STXBP4: variants seen among roughly 807,000 people sequenced by gnomAD.
The protein encoded by STXBP4 is syntaxin binding protein 4.
Under a neutral mutation model 76.1 loss-of-function variants are expected in STXBP4, and 55 were observed. That is an observed-to-expected ratio of 0.72 (90% CI 0.58 to 0.91). The LOEUF (loss-of-function observed/expected upper bound fraction) is 0.91. Ranked by LOEUF, STXBP4 falls within the 40% of genes least tolerant of loss-of-function variation. The pLI, the probability that STXBP4 is intolerant of heterozygous loss-of-function variation, is 0.00. For synonymous variants in STXBP4, 201 were observed against 220.2 expected, an observed-to-expected ratio of 0.91 and a Z score of 0.77; for missense variants, 618 against 636.9, an observed-to-expected ratio of 0.97 and a Z score of 0.32.
intron 16 of STXBP4, among the ~76,000 whole-genome samples, chr17:55,081,942 C>T (rs1309498196): frequency 2.6e-5 from 4 of 152,126 alleles, no homozygotes; most frequent in African/African-American, 9.7e-5. Flanking sequence ...CTTTTTGTGT[C>T]TCTCCAGACA....
the STXBP4 span, among the ~76,000 whole-genome samples, chr17:55,212,216 G>A: frequency 1.4e-4 from 22 of 152,058 alleles, no homozygotes; most frequent in African/African-American, 4.3e-4. Context: ...TGTGACCCTG[G>A]GCAAATTACT....
At chr17:55,211,628 T>C in the STXBP4 span, among the ~76,000 whole-genome samples, 3 of 152,102 alleles carry the variant, frequency 2.0e-5, no homozygotes, top group Non-Finnish European at 4.4e-5. Context: ...TATCCGATGC[T>C]TCACATTTGT....
the STXBP4 span, among the ~76,000 whole-genome samples, chr17:55,207,959 A>G: frequency 2.0e-5 from 3 of 151,988 alleles, no homozygotes; most frequent in Non-Finnish European, 4.4e-5. Flanking sequence ...TATAATAACC[A>G]TGCAATTCTT....
chr17:55,063,243 C>T (rs997381526), intron 12 of STXBP4, among the ~76,000 whole-genome samples: 2 of 152,246 alleles, frequency 1.3e-5, no homozygotes, highest in Admixed American at 6.5e-5. Flanking sequence ...ATTATCATTT[C>T]CAAATAGTTG....
In STXBP4 at chr17:55,169,127, A is replaced by G. The variant is rs944101621; in HGVS notation, c.*9216A>G. On this transcript the variant is annotated 3_prime_UTR_variant, in exon 18 of 18. Transcript: ENST00000376352. ...TTCCTCTGACATAAGGATTTATGTG[A>G]ATTAGGAAGTGGCCCAAGGGTGAAA... 6.6e-6 allele frequency: 1 copy of G among 152,106 alleles called. No individual in the cohort carries two copies. Among genetic ancestry groups the G allele is most frequent in the Admixed American group, 6.6e-5 (1 of 15,262 alleles). 9.4% of individuals were successfully genotyped at this position (152,106 alleles called of 1,614,324 possible).
At chr17:55,198,160 T>C in the STXBP4 span, among the ~76,000 whole-genome samples, 4 of 152,314 alleles carry the variant, frequency 2.6e-5, no homozygotes, top group East Asian at 7.7e-4. Context: ...GAAGTGAAGT[T>C]ACAAAGTTAC....
intron 12 of STXBP4, among the ~76,000 whole-genome samples, chr17:55,052,941 G>GTGTT (rs1555573416): frequency 1.6e-4 from 23 of 143,300 alleles, no homozygotes; most frequent in African/African-American, 6.0e-4. Flanking sequence ...GTGTGTGTGT[G>GTGTT]TGTGTGTGTG....
chr17:54,973,939 A>T lies in STXBP4; in HGVS notation c.-157+5124A>T, dbSNP rs1177009266. ...TCCAATTTTATATATTAGGTAAAGTAAGTTATATAAGTTATTTTTCATATA... is the reference window on the plus strand; with the variant it reads ...TCCAATTTTATATATTAGGTAAAGTTAGTTATATAAGTTATTTTTCATATA... On this transcript the variant is annotated intron_variant, in intron 1 of 17. Transcript: ENST00000376352. Among the ~76,000 whole-genome samples the T allele has an allele frequency of 2.0e-5, 3 of 152,250 alleles. No individual in the cohort carries two copies. The East Asian group carries it at 5.8e-4, about 29-fold the overall frequency.
At chr17:55,049,535 G>A (rs1389222592) in intron 12 of STXBP4, among the ~76,000 whole-genome samples, 6 of 151,740 alleles carry the variant, frequency 4.0e-5, no homozygotes, top group Non-Finnish European at 8.8e-5. Context: ...ATAAAAATTA[G>A]GTAAAAATAG....
At chr17:55,123,788 T>C (rs1413370657) in intron 16 of STXBP4, among the ~76,000 whole-genome samples, 1 of 151,814 alleles carries the variant, frequency 6.6e-6, no homozygotes, top group East Asian at 1.9e-4. Context: ...TAGTCCCAGC[T>C]ACTTGGTAGG....
chr17:55,013,383 T>C (rs2078146562), intron 8 of STXBP4, among the ~76,000 whole-genome samples: 1 of 152,254 alleles, frequency 6.6e-6, no homozygotes, highest in South Asian at 2.1e-4. Flanking sequence ...GGTATTGGCT[T>C]TCTGAGTTTC....
chr17:55,107,715 C>T (rs2079652924), intron 16 of STXBP4, among the ~76,000 whole-genome samples: 1 of 152,186 alleles, frequency 6.6e-6, no homozygotes, highest in Non-Finnish European at 1.5e-5. Flanking sequence ...GAGGTCCACT[C>T]CAGACCCTAT....
chr17:55,130,187 C>T (rs1278374586), intron 16 of STXBP4, among the ~76,000 whole-genome samples: 1 of 152,186 alleles, frequency 6.6e-6, no homozygotes, highest in Non-Finnish European at 1.5e-5. Context: ...TCCCCAGATA[C>T]TCCAGATAAA....
At chr17:55,153,511 AT>A (rs1406550613) in intron 17 of STXBP4, among the ~76,000 whole-genome samples, 1 of 152,168 alleles carries the variant, frequency 6.6e-6, no homozygotes, top group African/African-American at 2.4e-5. Flanking sequence ...TAGTGTAGTC[AT>A]TTTAACTCTG....
At chr17:55,197,604 G>A in the STXBP4 span, among the ~76,000 whole-genome samples, 3,011 of 152,226 alleles carry the variant, frequency 0.02, 96 homozygotes, top group African/African-American at 0.069. Context: ...TCAGCCAGGC[G>A]TGGTGGCATG....
intron 8 of STXBP4, among the ~76,000 whole-genome samples, chr17:55,016,657 A>T (rs1425199924): frequency 6.6e-6 from 1 of 152,168 alleles, no homozygotes; most frequent in Non-Finnish European, 1.5e-5. Context: ...CCTGGAAGGA[A>T]CCTTCTATTG....
intron 16 of STXBP4, among the ~76,000 whole-genome samples, chr17:55,129,453 G>A (rs906328763): frequency 2.6e-5 from 4 of 152,074 alleles, no homozygotes; most frequent in African/African-American, 9.7e-5. Flanking sequence ...TAAGGTAGGT[G>A]CCATGGCACA....
chr17:55,008,034 A>G (rs1448195150), intron 8 of STXBP4, among the ~76,000 whole-genome samples: 1 of 152,188 alleles, frequency 6.6e-6, no homozygotes, highest in Non-Finnish European at 1.5e-5. Context: ...TGTCCACTAA[A>G]TATAGAAAGA....
chr17:54,972,016 T>C (rs916652862), intron 1 of STXBP4, among the ~76,000 whole-genome samples: 33 of 152,224 alleles, frequency 2.2e-4, no homozygotes, highest in African/African-American at 7.7e-4. Flanking sequence ...TTCCTCATGT[T>C]TGTGACCCCT....
Sources: gnomAD v4.1 joint callset for allele counts (sites outside exome capture counted in the v4.1 genomes callset) on GRCh38, gnomAD v4.1.1 for gene constraint, MANE v1.5 for transcripts, NCBI Gene and HGNC (gene_info 2026-07-23, HGNC 2026-07-21) for gene names.